HNRNPU: variants seen among roughly 807,000 people sequenced by gnomAD.
The protein encoded by HNRNPU is HNRNPU antisense RNA 1.
A neutral mutation model predicts 94.7 loss-of-function variants in HNRNPU; 5 were observed. That is an observed-to-expected ratio of 0.05 (90% CI 0.03 to 0.11). The LOEUF (loss-of-function observed/expected upper bound fraction) is 0.11, where lower values mean the gene tolerates loss of function less well. HNRNPU is among the 10% of genes least tolerant of loss of function. The pLI is 1.00. For missense variants in HNRNPU, 710 were observed against 1,049.2 expected (o/e 0.68, Z 4.47); for synonymous variants, 434 against 381.6 (o/e 1.14, Z -1.60).
At position 244,851,402 on chromosome 1, in the gene HNRNPU, G is replaced by A. The variant is rs1193848223; in HGVS notation, c.*3048C>T. ...AGAATAAAAAGTCAATTTATATTGT[G>A]AATAAATTTATCAAAAAACATGTCA... On this transcript the variant is annotated 3_prime_UTR_variant, in exon 14 of 14. Transcript: ENST00000640218. 2 of 152,146 alleles carry A rather than the reference G, an allele frequency of 1.3e-5. No homozygotes were observed. The highest frequency in any genetic ancestry group is 2.9e-5 in the Non-Finnish European group (2 of 68,032). 9.4% of individuals were successfully genotyped at this position (152,146 alleles called of 1,614,324 possible).
intron 7 of HNRNPU, 109 bp from the exon 8 acceptor site, chr1:244,857,826 C>A: frequency 7.0e-7 from 1 of 1,430,242 alleles, no homozygotes. Context: ...AGCCCTTACA[C>A]TAACGGACAA....
rs781386773 is a variant in HNRNPU at position 244,855,021 on chromosome 1, A to C, written c.2376T>G (p.Asn792Lys). 6.2e-7 allele frequency: 1 copy of C among 1,613,692 alleles called. No individual in the cohort carries two copies. Among genetic ancestry groups the C allele is most frequent in the African/African-American group, 1.3e-5 (1 of 74,878 alleles). The change falls in exon 13 of 14, where the codon AAT (asparagine) becomes AAG (lysine). Residue 792 changes from asparagine (N) to lysine (K), a missense_variant. By Grantham distance (94) the Asn-to-Lys change is moderately conservative. Around this residue, in one of 8 missense-constraint regions of HNRNPU, gnomAD observed 152 missense variants for 238.9 expected, o/e 0.64. Transcript: ENST00000640218. ...CCTGAGATTGATTTTTGTAGCCACG[A>C]TTGTTTCCTCGTCCTCTGAAGTTCT... ...YNQNFRGRGN[N>K]RGYKNQSQGY...
chr1:244,863,969 C>G lies in HNRNPU; in HGVS notation c.339G>C (p.Ala113=). 1 of 1,613,748 alleles carries G rather than the reference C, an allele frequency of 6.2e-7. No homozygotes were observed. The highest frequency in any genetic ancestry group is 8.5e-7 in the Non-Finnish European group (1 of 1,179,898). Residue 113 remains alanine (A), a synonymous_variant, in exon 1 of 14, where the codon GCG becomes GCC. Transcript: ENST00000640218. ...QMELGEENGA[A]GAADSGPMEE... ...CCATCGGGCCCGAGTCGGCCGCCCCCGCGGCCCCGTTCTCCTCTCCTAGCT... is the reference window on the plus strand; with the variant it reads ...CCATCGGGCCCGAGTCGGCCGCCCCGGCGGCCCCGTTCTCCTCTCCTAGCT...
intron 12 of HNRNPU, 143 bp from the exon 13 acceptor site, chr1:244,855,187 G>C (rs1680645627): frequency 2.7e-6 from 2 of 738,144 alleles, no homozygotes; most frequent in Non-Finnish European, 4.7e-6. Flanking sequence ...GATACCCTCT[G>C]CTGGTTTCTT....
At chr1:244,855,156 GCAA>G in intron 12 of HNRNPU, 112 bp from the exon 13 acceptor site, 1 of 603,050 alleles carries the variant, frequency 1.7e-6, no homozygotes, top group Non-Finnish European at 2.8e-6. Context: ...ATCTTAGGTA[GCAA>G]GCAATACACA....
chr1:244,855,099 G>C (rs974392295), intron 12 of HNRNPU, 55 bp from the exon 13 acceptor site: 2 of 1,397,124 alleles, frequency 1.4e-6, no homozygotes, highest in Non-Finnish European at 2.0e-6. Flanking sequence ...TGTTAGGTTT[G>C]TGGGGGTGAG....
Position 244,851,037 on chromosome 1 carries a change from G to A in HNRNPU, c.*3413C>T, listed in dbSNP as rs898074094. On this transcript the variant is annotated 3_prime_UTR_variant, in exon 14 of 14. Transcript: ENST00000640218. ...TTGCCCAGGATGGTCTCAAACTCCT[G>A]AGCTCAAGTGATCCTCCCGCCTTGG... is the stretch of plus-strand genomic sequence containing the variant. The A allele has an allele frequency of 3.3e-5, 5 of 151,778 alleles. No homozygotes were observed. The highest frequency in any genetic ancestry group is 1.2e-4 in the African/African-American group (5 of 41,270). 9.4% of individuals were successfully genotyped at this position (151,778 alleles called of 1,614,324 possible). A position where few individuals can be genotyped will look rare whatever the true frequency, so the allele number is the denominator to read the frequency against.
At position 244,857,583 on chromosome 1, in the gene HNRNPU, A is replaced by G. The variant is rs1233999725; in HGVS notation, c.1614+15T>C. 14 of 1,611,404 alleles carry G rather than the reference A, an allele frequency of 8.7e-6. No individual in the cohort carries two copies. The African/African-American group carries it at 9.4e-5, about 11-fold the overall frequency. On this transcript the variant is annotated intron_variant, in intron 8 of 13. Coordinates refer to ENST00000640218, the MANE Select transcript of HNRNPU (RefSeq NM_031844.3). Reference sequence around the variant, plus strand: ...ATTTTAAACACTGAGATCAGGCCCTAAACATTTTACTTACCATCATCTTAT... The same window carrying G: ...ATTTTAAACACTGAGATCAGGCCCTGAACATTTTACTTACCATCATCTTAT...
chr1:244,863,028 G>C, intron 1 of HNRNPU: 1 of 341,010 alleles, frequency 2.9e-6, no homozygotes, highest in East Asian at 6.1e-5. Context: ...GAGGGGGAGG[G>C]GCCGAGCCCG....
rs765207574 is a variant in HNRNPU at position 244,856,043 on chromosome 1, A to G, written c.2028T>C (p.Ala676=). ...TGTTCTGTTTCTTTTCTGGTGGAAGAGCCTTTTTGCTTTCTTCCTTATATT... is the reference window on the plus strand; with the variant it reads ...TGTTCTGTTTCTTTTCTGGTGGAAGGGCCTTTTTGCTTTCTTCCTTATATT... ...LEQYKEESKK[A]LPPEKKQNTG... is the part of the protein sequence containing the mutation. Residue 676 remains alanine, a synonymous_variant, in exon 11 of 14, where the codon GCT becomes GCC. Coordinates refer to ENST00000640218, the MANE Select transcript of HNRNPU (RefSeq NM_031844.3). 3 of 1,614,002 alleles carry G rather than the reference A, an allele frequency of 1.9e-6. No individual in the cohort carries two copies. The Admixed American group carries it at 5.0e-5, about 27-fold the overall frequency.
chr1:244,851,645 T>C lies in HNRNPU; in HGVS notation c.*2805A>G, dbSNP rs1389068451. On this transcript the variant is annotated 3_prime_UTR_variant, in exon 14 of 14. Transcript: ENST00000640218. ...TTTATTTTTAAGACAGTATCTATCC[T>C]AGGCAAATGAGAGCTTGTTTTTATG... is the stretch of plus-strand genomic sequence containing the variant. 6.6e-6 allele frequency: 1 copy of C among 152,250 alleles called. No individual in the cohort carries two copies. The highest frequency in any genetic ancestry group is 2.4e-5 in the African/African-American group (1 of 41,470). 9.4% of individuals were successfully genotyped at this position (152,250 alleles called of 1,614,324 possible). A position where few individuals can be genotyped will look rare whatever the true frequency, so the allele number is the denominator to read the frequency against.
chr1:244,862,179 TTAGC>T (rs1335225499), intron 3 of HNRNPU: 1 of 336,484 alleles, frequency 3.0e-6, no homozygotes, highest in Non-Finnish European at 5.4e-6. Flanking sequence ...CAAGTTTCCG[TTAGC>T]TAGTCAAAAA....
chr1:244,858,803 T>C lies in HNRNPU; in HGVS notation c.1156A>G (p.Ile386Val), dbSNP rs745485838. 60 of 1,582,782 alleles carry C rather than the reference T, an allele frequency of 3.8e-5. No homozygotes were observed. The highest frequency in any genetic ancestry group is 4.7e-5 in the Non-Finnish European group (54 of 1,152,390). Residue 386 changes from isoleucine to valine, a missense_variant, in exon 6 of 14, where the codon ATA (isoleucine) becomes GTA (valine). This residue lies in a region of HNRNPU where 150 missense variants were observed against 187.9 expected (regional missense o/e 0.80). Transcript: ENST00000640218. ...EFSYGYSLKG[I>V]KTCNCETEDY... ...TCAGTCTCACAGTTGCATGTTTTTA[T>C]TCCTTTTAGAGAATACCCATAAGAA...
rs899083600 is a variant in HNRNPU at position 244,863,723 on chromosome 1, C to T, written c.585G>A (p.Ala195=). 1 of 1,569,904 alleles carries T rather than the reference C, an allele frequency of 6.4e-7. No homozygotes were observed. Among genetic ancestry groups the T allele is most frequent in the Admixed American group, 1.8e-5 (1 of 54,836 alleles). The change falls in exon 1 of 14, where the codon GCG becomes GCA. Residue 195 remains alanine, a synonymous_variant. Coordinates refer to ENST00000640218, the MANE Select transcript of HNRNPU (RefSeq NM_031844.3). The part of the protein sequence containing the change: ...GKSSGPTSLF[A]VTVAPPGARQ... Reference sequence around the variant, plus strand: ...TCGCCCCGGGCGGCGCCACCGTCACCGCGAACAGCGAGGTGGGGCCGCTGC... The same window carrying T: ...TCGCCCCGGGCGGCGCCACCGTCACTGCGAACAGCGAGGTGGGGCCGCTGC...
rs1047268048 is a variant in HNRNPU, at chr1:244,853,840, T to A, written c.*610A>T. 2.0e-5 allele frequency: 3 copies of A among 152,772 alleles called. No individual in the cohort carries two copies. Among genetic ancestry groups the A allele is most frequent in the Admixed American group, 6.5e-5 (1 of 15,268 alleles). 9.5% of individuals were successfully genotyped at this position (152,772 alleles called of 1,614,324 possible). A position where few individuals can be genotyped will look rare whatever the true frequency, so the allele number is the denominator to read the frequency against. On this transcript the variant is annotated 3_prime_UTR_variant, in exon 14 of 14. Transcript: ENST00000640218. Reference sequence around the variant, plus strand: ...TACACTCCATCTTCTCTATCTTAGTTCCAAGTTTTAGTTTTCAATCCCAAT... The same window carrying A: ...TACACTCCATCTTCTCTATCTTAGTACCAAGTTTTAGTTTTCAATCCCAAT...
chr1:244,863,465 A>C, intron 1 of HNRNPU, 152 bp downstream of exon 1: 28 of 942,826 alleles, frequency 3.0e-5, no homozygotes, highest in Admixed American at 4.6e-5. Flanking sequence ...CCTCTCGGCT[A>C]ATCTGGGATT....
chr1:244,857,728 G>A lies in HNRNPU; in HGVS notation c.1495-11C>T, dbSNP rs1049179447. On this transcript the variant is annotated splice_polypyrimidine_tract_variant and intron_variant, in intron 7 of 13. Transcript: ENST00000640218. Reference sequence around the variant, plus strand: ...AATCATCATCACAACCTAGTGAAAAGAAAAGAAATGTCATTTCACTGTCAG... The same window carrying A: ...AATCATCATCACAACCTAGTGAAAAAAAAAGAAATGTCATTTCACTGTCAG... 5 of 1,610,266 alleles carry A rather than the reference G, an allele frequency of 3.1e-6. No homozygotes were observed. The Admixed American group carries it at 5.1e-5, about 16-fold the overall frequency.
At position 244,863,751 on chromosome 1, in the gene HNRNPU, T is replaced by A. The variant is rs372513810; in HGVS notation, c.557A>T (p.Lys186Met). 6 of 1,583,748 alleles carry A rather than the reference T, an allele frequency of 3.8e-6. No homozygotes were observed. The African/African-American group carries it at 8.2e-5, about 22-fold the overall frequency. ...GAACAGCGAGGTGGGGCCGCTGCTC[T>A]TCCCCGCGGCCTCCTTGGCGGCCCC... The part of the protein sequence containing the change: ...QRGAAKEAAG[K>M]SSGPTSLFAV... Residue 186 changes from lysine (K) to methionine (M), a missense_variant, in exon 1 of 14, where the codon AAG becomes ATG. By Grantham distance (95) the Lys-to-Met change is moderately conservative. This residue lies in a region of HNRNPU where 292 missense variants were observed against 293.4 expected (regional missense o/e 1.00). Transcript: ENST00000640218.
At position 244,859,259 on chromosome 1, in the gene HNRNPU, C is replaced by CAA; in HGVS notation, c.1117+14_1117+15dup. 2 of 1,371,914 alleles carry CAA rather than the reference C, an allele frequency of 1.5e-6. No individual in the cohort carries two copies. The highest frequency in any genetic ancestry group is 2.1e-6 in the Non-Finnish European group (2 of 959,926). 85.0% of individuals were successfully genotyped at this position (1,371,914 alleles called of 1,614,324 possible). On this transcript the variant is annotated intron_variant, in intron 5 of 13. Transcript: ENST00000640218. ...TGAACATTCATGAGCCCACATCAGT[C>CAA]AAAAAGAAGCTTTACCAAGTAACAT...
Sources: gnomAD v4.1 joint callset for allele counts on GRCh38, gnomAD v4.1.1 for gene constraint, gnomAD v4.1.1 regional missense constraint, MANE v1.5 for transcripts, NCBI Gene and HGNC (gene_info 2026-07-23, HGNC 2026-07-21) for gene names.